Variants in ABCC4 observed in about 807,000 individuals in gnomAD.
ABCC4 encodes ATP-binding cassette sub-family C member 4.
ABCC4 carries 102 observed loss-of-function variants against 168.5 expected under a neutral mutation model. The ratio of observed to expected loss-of-function variants is 0.61; its 90% confidence interval spans 0.52 to 0.71. The LOEUF is 0.71. ABCC4 is among the 30% of genes least tolerant of loss of function. ABCC4 has a pLI of 0.00. For missense variants in ABCC4, 1,402 were observed against 1,605.8 expected, an observed-to-expected ratio of 0.87 and a Z score of 2.17; for synonymous variants, 617 against 590.7, an observed-to-expected ratio of 1.04 and a Z score of -0.65.
At chr13:95,091,595 C>T (rs913059106) in intron 20 of ABCC4, among the ~76,000 whole-genome samples, 1 of 152,040 alleles carries the variant, frequency 6.6e-6, no homozygotes, top group Admixed American at 6.5e-5. Flanking sequence ...CAAACAAATG[C>T]TAAGAGAATT....
intron 24 of ABCC4, 27 bp downstream of exon 24, chr13:95,073,177 G>A: frequency 1.3e-6 from 2 of 1,572,632 alleles, no homozygotes; most frequent in Non-Finnish European, 1.7e-6. Flanking sequence ...AGATTGAAAA[G>A]GCAAAGAACG....
intron 1 of ABCC4, among the ~76,000 whole-genome samples, chr13:95,275,429 T>A (rs1048831950): frequency 1.3e-5 from 2 of 152,178 alleles, no homozygotes; most frequent in Non-Finnish European, 2.9e-5. Flanking sequence ...TTGCTTAAGC[T>A]CTGTAAACAA....
chr13:95,132,904 G>T (rs564190642), intron 19 of ABCC4, among the ~76,000 whole-genome samples: 12 of 152,180 alleles, frequency 7.9e-5, no homozygotes, highest in Admixed American at 3.9e-4. Context: ...TGAATGCCAG[G>T]GGGTGGAGAG....
intron 3 of ABCC4, among the ~76,000 whole-genome samples, chr13:95,245,561 C>T (rs994014806): frequency 2.6e-5 from 4 of 152,180 alleles, no homozygotes; most frequent in Non-Finnish European, 5.9e-5. Flanking sequence ...TGAGGGGCTC[C>T]TAGCCCTCTT....
At chr13:95,216,873 G>C (rs1453431728) in intron 4 of ABCC4, among the ~76,000 whole-genome samples, 2 of 152,112 alleles carry the variant, frequency 1.3e-5, no homozygotes, top group African/African-American at 4.8e-5. Context: ...CTTGAAATTT[G>C]TACGCCCTAG....
chr13:95,059,536 C>T (rs978977572), intron 26 of ABCC4, among the ~76,000 whole-genome samples: 3 of 152,120 alleles, frequency 2.0e-5, no homozygotes, highest in South Asian at 4.1e-4. Flanking sequence ...TGAGGAATGC[C>T]GCTAAGACCG....
intron 25 of ABCC4, among the ~76,000 whole-genome samples, chr13:95,064,252 GTGTGTGTGTATATATATA>G (rs372676391): frequency 0.38 from 44,185 of 117,670 alleles, 8,424 homozygotes; most frequent in Middle Eastern, 0.5. Flanking sequence ...CCGGGTGTGT[GTGTGTGTGTATATATATA>G]TATATATATA....
At chr13:95,080,359 T>G (rs951769404) in intron 21 of ABCC4, among the ~76,000 whole-genome samples, 1 of 151,636 alleles carries the variant, frequency 6.6e-6, no homozygotes, top group Non-Finnish European at 1.5e-5. Flanking sequence ...CTTGCAAACA[T>G]AAAATGATCA....
chr13:95,114,532 T>C lies in ABCC4; in HGVS notation c.2535+1390A>G, dbSNP rs188551639. 1.4e-4 allele frequency among the ~76,000 whole-genome samples: 22 copies of C among 151,932 alleles called. No individual in the cohort carries two copies. In the East Asian group the frequency reaches 1.5e-3, roughly 11 times the overall value. On this transcript the variant is annotated intron_variant, in intron 20 of 30. Transcript: ENST00000645237. ...GATGGCTTCTGAGGGATAAATAATA[T>C]AGCTAAACCCAGGAGGGCACATTTT...
intron 20 of ABCC4, among the ~76,000 whole-genome samples, chr13:95,088,522 A>C (rs1195519881): frequency 6.6e-6 from 1 of 152,202 alleles, no homozygotes; most frequent in Non-Finnish European, 1.5e-5. Context: ...TATTATACAG[A>C]ATATATTCTG....
intron 4 of ABCC4, among the ~76,000 whole-genome samples, chr13:95,218,847 A>G (rs1368530038): frequency 1.4e-5 from 2 of 139,498 alleles, no homozygotes; most frequent in Non-Finnish European, 3.0e-5. Context: ...CAAAACCAAG[A>G]AAGAAAAGAA....
intron 21 of ABCC4, among the ~76,000 whole-genome samples, chr13:95,081,699 G>A (rs1385557910): frequency 1.3e-5 from 2 of 152,274 alleles, no homozygotes; most frequent in East Asian, 3.9e-4. Context: ...TAGGATAAAT[G>A]CCTCTTAGAG....
intron 26 of ABCC4, chr13:95,055,580 C>T (rs9561773): frequency 0.3 from 46,096 of 151,988 alleles, 7,215 homozygotes; most frequent in East Asian, 0.36. Context: ...ATAAGACAAG[C>T]TGATATTAAA....
At chr13:95,235,413 C>T (rs1393096094) in intron 3 of ABCC4, among the ~76,000 whole-genome samples, 1 of 152,096 alleles carries the variant, frequency 6.6e-6, no homozygotes, top group Non-Finnish European at 1.5e-5. Flanking sequence ...TGGCAAACTA[C>T]CAAATTAAGT....
At chr13:95,151,551 G>GAGGAGAAGGAGGAGAAGGAGAAGA (rs2036678297) in intron 19 of ABCC4, among the ~76,000 whole-genome samples, 5 of 147,706 alleles carry the variant, frequency 3.4e-5, no homozygotes, top group African/African-American at 1.0e-4. Flanking sequence ...AAGGAAGGAG[G>GAGGAGAAGGAGGAGAAGGAGAAGA]AGGAGGAGGA....
chr13:95,208,608 C>CTTTTTTTTTT lies in ABCC4; in HGVS notation c.786-693_786-684dup, dbSNP rs58749262. ...AATCTCTTGATCAAAAGCTGTATTT[C>CTTTTTTTTTT]TTTTTTTTTTTTTTTTTTTTTTTTT... On this transcript the variant is annotated intron_variant, in intron 6 of 30. Coordinates refer to ENST00000645237, the MANE Select transcript of ABCC4 (RefSeq NM_005845.5). Among the ~76,000 whole-genome samples the CTTTTTTTTTT allele has an allele frequency of 5.4e-5, 4 of 74,652 alleles. 1 individual carries two copies. Among genetic ancestry groups the CTTTTTTTTTT allele is most frequent in the East Asian group, 9.7e-4 (2 of 2,072 alleles). The allele number at this position is 74,652 out of a possible 152,430, so 49.0% of individuals were successfully genotyped here. A position where few individuals can be genotyped will look rare whatever the true frequency, so the allele number is the denominator to read the frequency against.
intron 20 of ABCC4, among the ~76,000 whole-genome samples, chr13:95,104,872 G>A (rs1053382409): frequency 5.3e-5 from 8 of 152,168 alleles, no homozygotes; most frequent in African/African-American, 1.9e-4. Context: ...CAAACAAGTG[G>A]ATTAGAACAC....
chr13:95,157,127 CACAA>C (rs1441867641), intron 19 of ABCC4, among the ~76,000 whole-genome samples: 242 of 128,258 alleles, frequency 1.9e-3, no homozygotes, highest in Middle Eastern at 0.013. Flanking sequence ...CACACACACA[CACAA>C]ACAGTCACCA....
chr13:95,133,232 G>A (rs2036035119), intron 19 of ABCC4, among the ~76,000 whole-genome samples: 1 of 148,680 alleles, frequency 6.7e-6, no homozygotes, highest in Non-Finnish European at 1.5e-5. Flanking sequence ...TCCCACCTCG[G>A]CCTCCCGAGT....
Sources: gnomAD v4.1 joint callset for allele counts (sites outside exome capture counted in the v4.1 genomes callset) on GRCh38, gnomAD v4.1.1 for gene constraint, MANE v1.5 for transcripts, NCBI Gene and HGNC (gene_info 2026-07-23, HGNC 2026-07-21) for gene names.